ZNF100: variants seen among roughly 807,000 people sequenced by gnomAD.
The protein encoded by ZNF100 is zinc finger protein 100 (Y1).
Under a neutral mutation model 15.8 loss-of-function variants are expected in ZNF100, and 12 were observed. That is an observed-to-expected ratio of 0.76 (90% CI 0.49 to 1.23). The LOEUF is 1.23. Ranked by LOEUF, ZNF100 falls within the 50% of genes most tolerant of loss-of-function variation. The probability of loss-of-function intolerance (pLI) is 0.00; values close to 1 mark genes in which losing one functional copy is unlikely to be tolerated. For synonymous variants in ZNF100, 226 were observed against 214.8 expected, an observed-to-expected ratio of 1.05 and a Z score of -0.45; for missense variants, 670 against 635.6, an observed-to-expected ratio of 1.05 and a Z score of -0.58.
At chr19:21,759,655 C>A (rs2036448565) in intron 2 of ZNF100, among the ~76,000 whole-genome samples, 1 of 152,092 alleles carries the variant, frequency 6.6e-6, no homozygotes, top group South Asian at 2.1e-4. Flanking sequence ...GGATAAAACC[C>A]ACCAAAACCA....
chr19:21,755,144 T>C lies in ZNF100; in HGVS notation c.97-10077A>G, dbSNP rs188921681. On this transcript the variant is annotated intron_variant, in intron 2 of 4. Coordinates refer to ENST00000358296, the MANE Select transcript of ZNF100 (RefSeq NM_173531.4). ...CCTGGCCAACATGGAGAAACCCGTCTCTACTAAAAATACAAACTTAGCCAG... is the reference window on the plus strand; with the variant it reads ...CCTGGCCAACATGGAGAAACCCGTCCCTACTAAAAATACAAACTTAGCCAG... Among the ~76,000 whole-genome samples, 193 of 152,010 alleles carry C rather than the reference T, an allele frequency of 1.3e-3. 1 individual carries two copies. Among genetic ancestry groups the C allele is most frequent in the African/African-American group, 4.5e-3 (188 of 41,476 alleles).
In ZNF100 at chr19:21,722,988, TTAAC is replaced by T. The variant is rs1264261921; in HGVS notation, c.*3691_*3694del. ...CCTGTGGACAATGTATGCTTTTATC[TTAAC>T]TAATCCGAAAGTTATATTGATAACC... On this transcript the variant is annotated 3_prime_UTR_variant, in exon 5 of 5. Coordinates refer to ENST00000358296, the MANE Select transcript of ZNF100 (RefSeq NM_173531.4). 2.6e-5 allele frequency: 4 copies of T among 152,024 alleles called. No individual in the cohort carries two copies. The highest frequency in any genetic ancestry group is 7.2e-5 in the African/African-American group (3 of 41,408). 9.4% of individuals were successfully genotyped at this position (152,024 alleles called of 1,614,324 possible). A position where few individuals can be genotyped will look rare whatever the true frequency, so the allele number is the denominator to read the frequency against.
intron 2 of ZNF100, among the ~76,000 whole-genome samples, chr19:21,760,504 A>T (rs959007375): frequency 1.3e-5 from 2 of 151,486 alleles, no homozygotes; most frequent in Non-Finnish European, 2.9e-5. Context: ...AAAAAAAAAT[A>T]AAATAAAATA....
chr19:21,738,303 G>A (rs1324104440), intron 4 of ZNF100, among the ~76,000 whole-genome samples: 1 of 112,338 alleles, frequency 8.9e-6, no homozygotes, highest in Non-Finnish European at 1.8e-5. Context: ...GATGGAGAAT[G>A]AGAAAACTAT....
At chr19:21,766,353 G>C (rs557204185) in intron 1 of ZNF100, among the ~76,000 whole-genome samples, 53 of 151,026 alleles carry the variant, frequency 3.5e-4, no homozygotes, top group Middle Eastern at 3.4e-3. Context: ...TCCCCGTGGA[G>C]TGTGAAAATA....
intron 1 of ZNF100, among the ~76,000 whole-genome samples, chr19:21,766,369 G>A (rs1246914499): frequency 6.7e-6 from 1 of 149,588 alleles, no homozygotes; most frequent in Non-Finnish European, 1.5e-5. Flanking sequence ...AAATAATTAA[G>A]AGACAGGCAA....
intron 2 of ZNF100, chr19:21,751,266 A>G: frequency 8.9e-7 from 1 of 1,121,796 alleles, no homozygotes; most frequent in Non-Finnish European, 1.4e-6. Context: ...TTAGAACCAC[A>G]GTAAAATGTG....
chr19:21,758,921 C>A lies in ZNF100; in HGVS notation c.96+6773G>T, dbSNP rs540622367. On this transcript the variant is annotated intron_variant, in intron 2 of 4. Coordinates refer to ENST00000358296, the MANE Select transcript of ZNF100 (RefSeq NM_173531.4). ...GAGAACAGAGCCTCCCACTCCAAGA[C>A]ACCAAGAGTTCCATTCCAGGCCAGG... is the stretch of plus-strand genomic sequence containing the variant. Among the ~76,000 whole-genome samples, 4 of 152,298 alleles carry A rather than the reference C, an allele frequency of 2.6e-5. No individual in the cohort carries two copies. The East Asian group carries it at 7.7e-4, about 29-fold the overall frequency.
Position 21,727,765 on chromosome 19 carries a change from C to A in ZNF100, c.547G>T (p.Ala183Ser). The A allele has an allele frequency of 6.2e-7, 1 of 1,613,826 alleles. No homozygotes were observed. ...TTTGAAAATGTATGAAAGACTTTTG[C>A]AGATGGATCACATTGAAATATGTTG... ...QSNIFQCDPSAKVFHTFSNSN... is the reference protein window; with the variant it reads ...QSNIFQCDPSSKVFHTFSNSN... The change falls in exon 5 of 5, where the codon GCA (alanine) becomes TCA (serine). Residue 183 changes from alanine to serine, a missense_variant. Physicochemically the swap from Ala to Ser is moderately conservative, Grantham distance 99. Transcript: ENST00000358296.
At chr19:21,767,070 C>T (rs550721532) in intron 1 of ZNF100, among the ~76,000 whole-genome samples, 1 of 152,322 alleles carries the variant, frequency 6.6e-6, no homozygotes, top group African/African-American at 2.4e-5. Flanking sequence ...ACTGGGAAAG[C>T]CACGGACCAA....
chr19:21,751,932 G>A (rs1237730859), intron 2 of ZNF100: 2 of 526,890 alleles, frequency 3.8e-6, no homozygotes, highest in Non-Finnish European at 6.9e-6. Flanking sequence ...GGAGAAATGA[G>A]GGGTTATAAT....
chr19:21,759,975 G>A (rs534196801), intron 2 of ZNF100, among the ~76,000 whole-genome samples: 13 of 152,208 alleles, frequency 8.5e-5, no homozygotes, highest in African/African-American at 3.1e-4. Context: ...CTGAGGTTGG[G>A]AGTTCGAGAC....
intron 4 of ZNF100, among the ~76,000 whole-genome samples, chr19:21,739,319 A>G (rs2036066653): frequency 6.6e-6 from 1 of 152,246 alleles, no homozygotes; most frequent in Non-Finnish European, 1.5e-5. Context: ...AATTTGGAAG[A>G]CAAAAGTGAG....
At position 21,727,021 on chromosome 19, in the gene ZNF100, A is replaced by G. The variant is rs759138843; in HGVS notation, c.1291T>C (p.Cys431Arg). The change falls in exon 5 of 5, where the codon TGT becomes CGT. Residue 431 changes from cysteine to arginine, a missense_variant. By Grantham distance (180) the Cys-to-Arg change is radical (BLOSUM62 -3). Transcript: ENST00000358296. The part of the protein sequence containing the change: ...RIHTGEKPYK[C>R]EECGKAFNES... ...TTAAAAGCTTTGCCACATTCTTCAC[A>G]TTTGTAGGGTTTCTCTCCAGTATGA... The G allele has an allele frequency of 6.2e-6, 10 of 1,613,940 alleles. No homozygotes were observed. In the South Asian group the frequency reaches 7.7e-5, roughly 12 times the overall value.
chr19:21,748,816 T>G (rs1233380363), intron 2 of ZNF100, among the ~76,000 whole-genome samples: 2 of 152,212 alleles, frequency 1.3e-5, no homozygotes, highest in South Asian at 4.1e-4. Flanking sequence ...GTGATTCTCC[T>G]GCCTCAGCCT....
In ZNF100 at chr19:21,726,662, TAA is replaced by T; in HGVS notation, c.*19_*20del. The T allele has an allele frequency of 6.3e-7, 1 of 1,593,966 alleles. No individual in the cohort carries two copies. Among genetic ancestry groups the T allele is most frequent in the Non-Finnish European group, 8.5e-7 (1 of 1,171,226 alleles). ...ATGTTTAGTAAGAGTTGAGGACTGG[TAA>T]AAGGCTTTGCCACATTTTTCACATT... On this transcript the variant is annotated 3_prime_UTR_variant, in exon 5 of 5. Coordinates refer to ENST00000358296, the MANE Select transcript of ZNF100 (RefSeq NM_173531.4).
chr19:21,765,420 T>A (rs1235187942), intron 2 of ZNF100, among the ~76,000 whole-genome samples: 1 of 152,236 alleles, frequency 6.6e-6, no homozygotes, highest in Admixed American at 6.5e-5. Context: ...AGGTGCATTT[T>A]ACTTTGCAAG....
chr19:21,746,631 T>C (rs1372484300), intron 2 of ZNF100, among the ~76,000 whole-genome samples: 2 of 152,012 alleles, frequency 1.3e-5, no homozygotes, highest in African/African-American at 4.8e-5. Flanking sequence ...ATATTGAGAA[T>C]GTAGAGAAGG....
chr19:21,739,182 T>G (rs1039950517), intron 4 of ZNF100, among the ~76,000 whole-genome samples: 7 of 152,194 alleles, frequency 4.6e-5, no homozygotes, highest in Non-Finnish European at 8.8e-5. Flanking sequence ...TTAACAGACA[T>G]GTACAAAATT....
Sources: gnomAD v4.1 joint callset for allele counts (sites outside exome capture counted in the v4.1 genomes callset) on GRCh38, gnomAD v4.1.1 for gene constraint, MANE v1.5 for transcripts, NCBI Gene and HGNC (gene_info 2026-07-23, HGNC 2026-07-21) for gene names.